CACNA1C: variants seen among roughly 807,000 people sequenced by gnomAD.
CACNA1C encodes the protein voltage-dependent L-type calcium channel subunit alpha-1C.
Under a neutral mutation model 229.0 loss-of-function variants are expected in CACNA1C, and 30 were observed. The ratio of observed to expected loss-of-function variants is 0.13; its 90% CI spans 0.10 to 0.18. The LOEUF (loss-of-function observed/expected upper bound fraction) is 0.18. Ranked by LOEUF, CACNA1C falls within the 10% of genes least tolerant of loss-of-function variation. The probability of loss-of-function intolerance (pLI) is 1.00; values close to 1 mark genes in which losing one functional copy is unlikely to be tolerated. For synonymous variants in CACNA1C, 1,114 were observed against 1,132.5 expected (o/e 0.98, Z 0.33); for missense variants, 1,658 against 2,845.0 (o/e 0.58, Z 9.49).
chr12:2,385,305 G>A (rs897874084), intron 3 of CACNA1C, among the ~76,000 whole-genome samples: 2 of 151,980 alleles, frequency 1.3e-5, no homozygotes, highest in Non-Finnish European at 2.9e-5. Flanking sequence ...TGCACGGCCG[G>A]GCCAGAGGCT....
intron 11 of CACNA1C, among the ~76,000 whole-genome samples, chr12:2,559,418 C>T (rs1341215360): frequency 1.3e-5 from 2 of 152,198 alleles, no homozygotes; most frequent in Non-Finnish European, 2.9e-5. Context: ...TGCTTTTCAA[C>T]AAGAGGGAAA....
chr12:2,364,029 T>G (rs2097652410), intron 3 of CACNA1C, among the ~76,000 whole-genome samples: 1 of 151,966 alleles, frequency 6.6e-6, no homozygotes, highest in African/African-American at 2.4e-5. Context: ...GCAGAGAGGG[T>G]GGACTGATCC....
At chr12:2,377,782 A>G (rs981610730) in intron 3 of CACNA1C, among the ~76,000 whole-genome samples, 4 of 152,228 alleles carry the variant, frequency 2.6e-5, no homozygotes, top group Non-Finnish European at 4.4e-5. Flanking sequence ...AGGAGGGGAA[A>G]GGATGCCAAG....
intron 5 of CACNA1C, among the ~76,000 whole-genome samples, chr12:2,485,269 C>G (rs753257640): frequency 6.6e-6 from 1 of 152,020 alleles, no homozygotes; most frequent in Non-Finnish European, 1.5e-5. Context: ...ACTGCACTCA[C>G]CTGGGCAGGA....
intron 3 of CACNA1C, among the ~76,000 whole-genome samples, chr12:2,300,020 A>G (rs1415763635): frequency 6.6e-6 from 1 of 152,244 alleles, no homozygotes; most frequent in Admixed American, 6.5e-5. Context: ...GAAGCTACAC[A>G]CTGTAAGAGC....
rs1266892484 is a variant in CACNA1C at position 2,152,673 on chromosome 12, G to A, written c.477+32243G>A. Among the ~76,000 whole-genome samples, 5 of 152,154 alleles carry A rather than the reference G, an allele frequency of 3.3e-5. No individual in the cohort carries two copies. The highest frequency in any genetic ancestry group is 7.2e-5 in the African/African-American group (3 of 41,446). ...TTATTGGGAACTTTGATTTTGGAAGGCAAAGAAATTTAAAAATTAAGAAAT... is the reference window on the plus strand; with the variant it reads ...TTATTGGGAACTTTGATTTTGGAAGACAAAGAAATTTAAAAATTAAGAAAT... On this transcript the variant is annotated intron_variant, in intron 3 of 46. Coordinates refer to ENST00000399655, the MANE Select transcript of CACNA1C (RefSeq NM_000719.7). The surrounding 1 kb of genome is among the most constrained non-coding windows in gnomAD (Gnocchi z 4.2).
chr12:2,541,843 T>G (rs1201303406), intron 9 of CACNA1C, among the ~76,000 whole-genome samples: 3 of 152,246 alleles, frequency 2.0e-5, no homozygotes, highest in Admixed American at 2.0e-4. Context: ...GTTTCGGAAC[T>G]AGGCAGATTG....
chr12:2,680,284 A>G, intron 42 of CACNA1C: 1 of 1,109,566 alleles, frequency 9.0e-7, no homozygotes, highest in Non-Finnish European at 1.3e-6. Context: ...CCAGCACAGG[A>G]TCATTCCTGG....
At chr12:2,391,962 CGT>C (rs1206977056) in intron 3 of CACNA1C, among the ~76,000 whole-genome samples, 1 of 152,244 alleles carries the variant, frequency 6.6e-6, no homozygotes, top group African/African-American at 2.4e-5. Flanking sequence ...AGAGCGTTCC[CGT>C]GTTTGCCAGG....
intron 3 of CACNA1C, among the ~76,000 whole-genome samples, chr12:2,214,142 A>G (rs1340439098): frequency 6.6e-6 from 1 of 152,190 alleles, no homozygotes; most frequent in East Asian, 1.9e-4. Context: ...AATTGTGAGG[A>G]AGAGCAGGCA....
chr12:2,081,407 A>G (rs2154052551), intron 1 of CACNA1C, among the ~76,000 whole-genome samples: 1 of 152,194 alleles, frequency 6.6e-6, no homozygotes, highest in East Asian at 1.9e-4. Context: ...CGTCTCTACT[A>G]AAAAATACAA....
intron 1 of CACNA1C, among the ~76,000 whole-genome samples, chr12:2,032,387 A>G (rs2048384469): frequency 6.6e-6 from 1 of 152,082 alleles, no homozygotes; most frequent in Admixed American, 6.5e-5. Context: ...GCTCAAGCCC[A>G]TGCCTGTGGA....
At position 2,321,931 on chromosome 12, in the gene CACNA1C, G is replaced by T. The variant is rs1285323371; in HGVS notation, c.478-127045G>T. ...CAAGGTGACCTGGTGGTATACATCA[G>T]AGAATCTTCCACCTGGGAGTGAAGG... On this transcript the variant is annotated intron_variant, in intron 3 of 46. Transcript: ENST00000399655. Among the ~76,000 whole-genome samples, 9 of 152,370 alleles carry T rather than the reference G, an allele frequency of 5.9e-5. No homozygotes were observed. In the East Asian group the frequency reaches 1.5e-3, roughly 26 times the overall value.
At chr12:2,226,802 C>T (rs117987543) in intron 3 of CACNA1C, among the ~76,000 whole-genome samples, 3 of 152,326 alleles carry the variant, frequency 2.0e-5, no homozygotes, top group East Asian at 1.9e-4. Flanking sequence ...GTTTTCAGCA[C>T]GAGTTTCAAG....
At chr12:2,302,329 T>C (rs2094624035) in intron 3 of CACNA1C, among the ~76,000 whole-genome samples, 1 of 151,696 alleles carries the variant, frequency 6.6e-6, no homozygotes, top group African/African-American at 2.4e-5. Context: ...ATAATTGCTG[T>C]GCCCCCTGCC....
intron 3 of CACNA1C, among the ~76,000 whole-genome samples, chr12:2,334,176 T>G (rs2096627776): frequency 6.6e-6 from 1 of 152,138 alleles, no homozygotes; most frequent in Admixed American, 6.5e-5. Flanking sequence ...TGAAAAAGAT[T>G]TACACAAGGC....
intron 3 of CACNA1C, among the ~76,000 whole-genome samples, chr12:2,257,029 G>C (rs554914468): frequency 3.5e-4 from 54 of 152,288 alleles, no homozygotes; most frequent in Admixed American, 3.0e-3. Flanking sequence ...AATCAGGACG[G>C]GGGTGGCTCT....
chr12:2,684,291 G>C (rs1235535302), intron 43 of CACNA1C, among the ~76,000 whole-genome samples: 2 of 152,126 alleles, frequency 1.3e-5, no homozygotes, highest in Non-Finnish European at 2.9e-5. Context: ...CTGTGCCTTC[G>C]TGTCCCCATC....
intron 30 of CACNA1C, among the ~76,000 whole-genome samples, chr12:2,636,281 CTGGGGGTCCTA>C (rs1475839600): frequency 6.6e-6 from 1 of 152,250 alleles, no homozygotes; most frequent in Non-Finnish European, 1.5e-5. Flanking sequence ...CACTGCAGCT[CTGGGGGTCCTA>C]TGGGTTCTTC....
Sources: allele counts gnomAD v4.1 joint callset (sites outside exome capture counted in the v4.1 genomes callset), GRCh38; gene constraint gnomAD v4.1.1; non-coding constraint Gnocchi (gnomAD v3.1); transcripts MANE v1.5; gene names NCBI Gene and HGNC (gene_info 2026-07-23, HGNC 2026-07-21).